Variants in DUS1L observed in about 807,000 individuals in gnomAD.
DUS1L encodes tRNA-dihydrouridine(16/17) synthase [NAD(P)(+)]-like.
In DUS1L, 56 loss-of-function variants were observed where a neutral mutation model predicts 61.2. The observed-to-expected ratio is 0.92, with a 90% confidence interval of 0.74 to 1.14. The LOEUF (loss-of-function observed/expected upper bound fraction) is 1.14. Among genes scored for constraint, DUS1L ranks in the 50% most tolerant of loss-of-function variants. DUS1L has a pLI of 0.00. For missense variants in DUS1L, 630 were observed against 632.4 expected (o/e 1.00, Z 0.04); for synonymous variants, 278 against 259.5 (o/e 1.07, Z -0.69).
chr17:82,064,240 G>A lies in DUS1L; in HGVS notation c.238-6C>T, dbSNP rs768241548. ...TCCGGGTCATTGGCACAGAACTGGA[G>A]AAGATGCAGGAGTCAGCCACGGGCC... On this transcript the variant is annotated splice_polypyrimidine_tract_variant and splice_region_variant and intron_variant, in intron 2 of 13. Coordinates refer to ENST00000306796, the MANE Select transcript of DUS1L (RefSeq NM_022156.5). The A allele has an allele frequency of 6.2e-6, 10 of 1,609,450 alleles. No individual in the cohort carries two copies. Among genetic ancestry groups the A allele is most frequent in the African/African-American group, 2.7e-5 (2 of 74,892 alleles).
chr17:82,059,676 T>C, intron 11 of DUS1L: 1 of 495,382 alleles, frequency 2.0e-6, no homozygotes, highest in East Asian at 3.3e-5. Flanking sequence ...GGCCCTGAGC[T>C]GTAGACGAGC....
chr17:82,057,735 A>G lies in DUS1L; in HGVS notation c.*380T>C, dbSNP rs2144691536. 5.0e-6 allele frequency: 1 copy of G among 198,972 alleles called. No individual in the cohort carries two copies. Among genetic ancestry groups the G allele is most frequent in the Non-Finnish European group, 1.0e-5 (1 of 96,480 alleles). The allele number at this position is 198,972 out of a possible 1,614,324, so 12.3% of individuals were successfully genotyped here. ...CCTAGGGGAGGTGGGGAGGGGACCT[A>G]AGCCCCCACTTTTGTCTACCCAGAT... On this transcript the variant is annotated 3_prime_UTR_variant, in exon 14 of 14. Coordinates refer to ENST00000306796, the MANE Select transcript of DUS1L (RefSeq NM_022156.5).
At position 82,058,163 on chromosome 17, in the gene DUS1L, A is replaced by C; in HGVS notation, c.1374T>G (p.Pro458=). ...PELQEPQPAA[P]GTPGGFSEVM... is the part of the protein sequence containing the mutation. ...CTTCGGAGAAGCCACCTGGTGTTCC[A>C]GGTGCTGCTGGCTGAGGCTCCTGCA... is the stretch of plus-strand genomic sequence containing the variant. Residue 458 remains proline (P), a synonymous_variant, in exon 14 of 14, where the codon CCT becomes CCG. Transcript: ENST00000306796. The C allele has an allele frequency of 6.3e-7, 1 of 1,597,428 alleles. No individual in the cohort carries two copies. The highest frequency in any genetic ancestry group is 8.6e-7 in the Non-Finnish European group (1 of 1,168,548).
At chr17:82,058,548 C>A in intron 12 of DUS1L, 132 bp from the exon 13 acceptor site, 1 of 1,457,780 alleles carries the variant, frequency 6.9e-7, no homozygotes, top group South Asian at 1.4e-5. Flanking sequence ...GGGAACTGCT[C>A]CCAAGCCAGA....
rs544442402 is a variant in DUS1L, at chr17:82,061,058, C to T, written c.843-97G>A. ...ACACGGGGACCTGTGTCTCTTCCTGCCCAACTCCACTCCTAAGTCACCCCA... is the reference window on the plus strand; with the variant it reads ...ACACGGGGACCTGTGTCTCTTCCTGTCCAACTCCACTCCTAAGTCACCCCA... On this transcript the variant is annotated intron_variant, in intron 8 of 13. Coordinates refer to ENST00000306796, the MANE Select transcript of DUS1L (RefSeq NM_022156.5). The T allele has an allele frequency of 1.7e-5, 26 of 1,535,220 alleles. No homozygotes were observed. In the East Asian group the frequency reaches 5.4e-4, roughly 32 times the overall value.
At chr17:82,064,280 T>A in intron 2 of DUS1L, 46 bp from the exon 3 acceptor site, 1 of 1,539,690 alleles carries the variant, frequency 6.5e-7, no homozygotes, top group Non-Finnish European at 8.9e-7. Flanking sequence ...CAGGCCCTAG[T>A]CCCTTGCTGC....
chr17:82,058,078 C>A lies in DUS1L; in HGVS notation c.*37G>T, dbSNP rs893257036. ...TTTTCTTAAGTAGGACGTGTCCAGGCTCCAGCAGCAGTCCTGGGGGTGGGG... is the reference window on the plus strand; with the variant it reads ...TTTTCTTAAGTAGGACGTGTCCAGGATCCAGCAGCAGTCCTGGGGGTGGGG... On this transcript the variant is annotated 3_prime_UTR_variant, in exon 14 of 14. Coordinates refer to ENST00000306796, the MANE Select transcript of DUS1L (RefSeq NM_022156.5). 5 of 1,499,852 alleles carry A rather than the reference C, an allele frequency of 3.3e-6. No homozygotes were observed. The allele number at this position is 1,499,852 out of a possible 1,614,324, so 92.9% of individuals were successfully genotyped here. A position where few individuals can be genotyped will look rare whatever the true frequency, so the allele number is the denominator to read the frequency against.
At position 82,064,217 on chromosome 17, in the gene DUS1L, C is replaced by T. The variant is rs147181817; in HGVS notation, c.255G>A (p.Pro85=). 4.7e-4 allele frequency: 765 copies of T among 1,611,910 alleles called. 1 individual carries two copies. The Middle Eastern group carries it at 5.9e-3, about 13-fold the overall frequency. Residue 85 remains proline, a synonymous_variant, in exon 3 of 14, where the codon CCG becomes CCA. Transcript: ENST00000306796. ...GGAGAGCCGCCTGAACAAACACCTC[C>T]GGGTCATTGGCACAGAACTGGAGAA... is the stretch of plus-strand genomic sequence containing the variant. The part of the protein sequence containing the change: ...PLIVQFCAND[P]EVFVQAALLA...
In DUS1L at chr17:82,058,184, C is replaced by T. The variant is rs2033158269; in HGVS notation, c.1353G>A (p.Gln451=). The change falls in exon 14 of 14, where the codon CAG becomes CAA. Residue 451 remains glutamine (Q), a synonymous_variant. Transcript: ENST00000306796. ...LAWKEAQPEL[Q]EPQPAAPGTP... ...TTCCAGGTGCTGCTGGCTGAGGCTC[C>T]TGCAGCTCAGGCTGGGCCTCTTTCC... The T allele has an allele frequency of 6.2e-6, 10 of 1,601,474 alleles. No individual in the cohort carries two copies. The highest frequency in any genetic ancestry group is 8.5e-6 in the Non-Finnish European group (10 of 1,171,620).
chr17:82,058,440 C>T, intron 12 of DUS1L, 24 bp from the exon 13 acceptor site: 1 of 1,480,738 alleles, frequency 6.8e-7, no homozygotes, highest in Non-Finnish European at 9.0e-7. Flanking sequence ...ATCTCGGGAG[C>T]CTGTGGCCAG....
rs202204746 is a variant in DUS1L, at chr17:82,059,880, A to C, written c.1168+68T>G. 361 of 1,591,162 alleles carry C rather than the reference A, an allele frequency of 2.3e-4. 1 individual carries two copies. The Admixed American group carries it at 2.7e-3, about 12-fold the overall frequency. ...CTGACCACAAGTCTGGGTTCCTGTT[A>C]CTGGCAACAGGGAGGATGGGGGTGA... On this transcript the variant is annotated intron_variant, in intron 11 of 13. Transcript: ENST00000306796.
intron 7 of DUS1L, 62 bp downstream of exon 7, chr17:82,061,556 C>A: frequency 1.9e-6 from 3 of 1,548,814 alleles, no homozygotes; most frequent in Non-Finnish European, 2.6e-6. Flanking sequence ...GAGGCACCGA[C>A]CTGGGCGGTG....
chr17:82,061,667 G>A lies in DUS1L; in HGVS notation c.648C>T (p.Asp216=), dbSNP rs758382778. 4.0e-5 allele frequency: 64 copies of A among 1,612,860 alleles called. No individual in the cohort carries two copies. The highest frequency in any genetic ancestry group is 5.2e-5 in the Non-Finnish European group (61 of 1,179,928). ...FANGNIQCLQ[D]VERCLRDTGV... Reference sequence around the variant, plus strand: ...CCGTGTCCCGGAGGCAGCGCTCCACGTCCTGCAGGCACTGGATGTTCCCGT... The same window carrying A: ...CCGTGTCCCGGAGGCAGCGCTCCACATCCTGCAGGCACTGGATGTTCCCGT... Residue 216 remains aspartate, a synonymous_variant, in exon 7 of 14, where the codon GAC becomes GAT. Transcript: ENST00000306796.
intron 4 of DUS1L, 67 bp from the exon 5 acceptor site, chr17:82,063,040 G>T: frequency 1.4e-6 from 2 of 1,392,188 alleles, no homozygotes; most frequent in South Asian, 2.3e-5. Context: ...AAGCCCCAGA[G>T]CCCAGGGCCC....
At chr17:82,060,659 A>C (rs1297656332) in intron 10 of DUS1L, 42 bp downstream of exon 10, 2 of 1,598,604 alleles carry the variant, frequency 1.3e-6, no homozygotes, top group Non-Finnish European at 1.7e-6. Context: ...TGGAGCCCAC[A>C]CCTTGGTGCA....
chr17:82,057,980 C>G lies in DUS1L; in HGVS notation c.*135G>C. The G allele has an allele frequency of 1.7e-6, 2 of 1,206,824 alleles. No homozygotes were observed. The highest frequency in any genetic ancestry group is 2.2e-6 in the Non-Finnish European group (2 of 905,074). The allele number at this position is 1,206,824 out of a possible 1,614,324, so 74.8% of individuals were successfully genotyped here. On this transcript the variant is annotated 3_prime_UTR_variant, in exon 14 of 14. Coordinates refer to ENST00000306796, the MANE Select transcript of DUS1L (RefSeq NM_022156.5). ...CCCCACTGCAGCATTTCCAGGCCCC[C>G]AGAGTGGGCCGAAGGGGGACATGGG...
At position 82,061,291 on chromosome 17, in the gene DUS1L, C is replaced by T. The variant is rs752303314; in HGVS notation, c.760G>A (p.Glu254Lys). 65 of 1,610,906 alleles carry T rather than the reference C, an allele frequency of 4.0e-5. No homozygotes were observed. Among genetic ancestry groups the T allele is most frequent in the Admixed American group, 6.7e-5 (4 of 59,850 alleles). ...TCCCGCACGATGTCCAGATACTCCT[C>T]GGCCAGCTCCCACACGGCAGGGCTC... is the stretch of plus-strand genomic sequence containing the variant. ...GRSPAVWELA[E>K]EYLDIVREHP... Residue 254 changes from glutamate (E) to lysine (K), a missense_variant, in exon 8 of 14, where the codon GAG becomes AAG. By Grantham distance (56) the Glu-to-Lys change is moderately conservative (BLOSUM62 1). Transcript: ENST00000306796.
chr17:82,064,660 T>C (rs1044061471), intron 2 of DUS1L, among the ~76,000 whole-genome samples, 163 bp downstream of exon 2: 4 of 152,212 alleles, frequency 2.6e-5, no homozygotes, highest in African/African-American at 4.8e-5. Context: ...TGTGGCTACG[T>C]GGACTCTACA....
At chr17:82,064,593 G>A (rs1331756869) in intron 2 of DUS1L, among the ~76,000 whole-genome samples, 1 of 152,182 alleles carries the variant, frequency 6.6e-6, no homozygotes, top group Non-Finnish European at 1.5e-5. Flanking sequence ...CTAGAGAATG[G>A]GGTTGGATTC....
Sources: gnomAD v4.1 joint callset for allele counts (sites outside exome capture counted in the v4.1 genomes callset) on GRCh38, gnomAD v4.1.1 for gene constraint, MANE v1.5 for transcripts, NCBI Gene and HGNC (gene_info 2026-07-23, HGNC 2026-07-21) for gene names.